The following KLF16 variants were observed in gnomAD, a reference collection of about 807,000 sequenced individuals.
KLF16 encodes Krueppel-like factor 16.
In KLF16, 6 loss-of-function variants were observed where a neutral mutation model predicts 6.1. The ratio of observed to expected loss-of-function variants is 0.98; its 90% confidence interval spans 0.54 to 1.93. The LOEUF is 1.93. KLF16 is among the 30% of genes most tolerant of loss of function. The pLI is 0.01. For synonymous variants in KLF16, 211 were observed against 176.5 expected (o/e 1.20, Z -1.55); for missense variants, 355 against 363.8 (o/e 0.98, Z 0.20).
chr19:1,869,874 A>G, the KLF16 span, among the ~76,000 whole-genome samples: 1 of 152,106 alleles, frequency 6.6e-6, no homozygotes, highest in South Asian at 2.1e-4. Flanking sequence ...TGGCCTCCCA[A>G]AGTGCTAGGA....
chr19:1,873,187 T>C, the KLF16 span, among the ~76,000 whole-genome samples: 2 of 152,162 alleles, frequency 1.3e-5, no homozygotes, highest in East Asian at 1.9e-4. Flanking sequence ...TTGGCATTAA[T>C]GGGACGACGG....
chr19:1,854,489 G>GGGGCTGGGCGCA lies in KLF16; in HGVS notation c.717_728dup (p.Ser246_Pro249dup). ...GGCCTGCGGGGGCTGGGCTGGGCGCGGGGCTGGGCGCAGGGCTCCCGGCCA... is the reference window on the plus strand; with the variant it reads ...GGCCTGCGGGGGCTGGGCTGGGCGCGGGGCTGGGCGCAGGGCTGGGCGCAGGGCTCCCGGCCA... On this transcript the variant is annotated inframe_insertion, in exon 2 of 2. Transcript: ENST00000250916. The GGGGCTGGGCGCA allele has an allele frequency of 7.0e-7, 1 of 1,436,232 alleles. No individual in the cohort carries two copies. The highest frequency in any genetic ancestry group is 1.5e-5 in the South Asian group (1 of 66,832). The allele number at this position is 1,436,232 out of a possible 1,614,324, so 89.0% of individuals were successfully genotyped here.
chr19:1,869,997 A>T, the KLF16 span, among the ~76,000 whole-genome samples: 8 of 141,860 alleles, frequency 5.6e-5, no homozygotes, highest in African/African-American at 2.3e-4. Context: ...CAGTGGTGCA[A>T]TCTCGGCTCA....
chr19:1,861,551 C>T (rs2012065576), intron 1 of KLF16: 1 of 152,282 alleles, frequency 6.6e-6, no homozygotes, highest in African/African-American at 2.4e-5. Flanking sequence ...GACCCCTCCG[C>T]CGAGGATGTG....
chr19:1,859,895 G>C (rs1474005064), intron 1 of KLF16, among the ~76,000 whole-genome samples: 2 of 152,026 alleles, frequency 1.3e-5, no homozygotes, highest in African/African-American at 4.8e-5. Flanking sequence ...GGGTGCTCCT[G>C]CCATGGAGTG....
chr19:1,874,766 A>G, the KLF16 span: 1 of 149,104 alleles, frequency 6.7e-6, no homozygotes, highest in Non-Finnish European at 1.5e-5. Flanking sequence ...AAAAAAAAAA[A>G]AAAAAAAAAA....
chr19:1,870,969 CT>C, the KLF16 span, among the ~76,000 whole-genome samples: 1 of 152,218 alleles, frequency 6.6e-6, no homozygotes. Context: ...GCACTCCGGC[CT>C]GGGCCACAGA....
chr19:1,866,700 C>T (rs1298943205), upstream of KLF16, among the ~76,000 whole-genome samples: 2 of 146,386 alleles, frequency 1.4e-5, no homozygotes, highest in African/African-American at 5.1e-5. Context: ...CGCTTGAGCC[C>T]AGGAGGTCAA....
chr19:1,855,807 C>G (rs1053488318), intron 1 of KLF16, among the ~76,000 whole-genome samples: 1 of 152,222 alleles, frequency 6.6e-6, no homozygotes, highest in African/African-American at 2.4e-5. Context: ...GGCCCTGCAT[C>G]CCCGAAGCTC....
At position 1,854,092 on chromosome 19, in the gene KLF16, G is replaced by A. The variant is rs1226223370; in HGVS notation, c.*367C>T. The stretch of plus-strand genomic sequence containing the variant: ...GGATGGGGCAGGGGGTGCTTTCCCC[G>A]GGCCGGCTCCCAGAAGTCCACTCCA... On this transcript the variant is annotated 3_prime_UTR_variant, in exon 2 of 2. Transcript: ENST00000250916. The A allele has an allele frequency of 1.8e-5, 4 of 227,356 alleles. No individual in the cohort carries two copies. The highest frequency in any genetic ancestry group is 4.6e-5 in the African/African-American group (2 of 43,802). 14.1% of individuals were successfully genotyped at this position (227,356 alleles called of 1,614,324 possible).
At chr19:1,860,245 A>G (rs976383609) in intron 1 of KLF16, 1 of 152,208 alleles carries the variant, frequency 6.6e-6, no homozygotes, top group Non-Finnish European at 1.5e-5. Context: ...AACGGCGTCA[A>G]CATCACCCAC....
chr19:1,872,782 G>A, the KLF16 span, among the ~76,000 whole-genome samples: 776 of 148,904 alleles, frequency 5.2e-3, 10 homozygotes, highest in African/African-American at 0.018. Flanking sequence ...GGGAAGCAGG[G>A]ACAGTCACCC....
intron 1 of KLF16, chr19:1,862,703 A>G: frequency 4.6e-6 from 1 of 216,278 alleles, no homozygotes; most frequent in Non-Finnish European, 9.0e-6. Flanking sequence ...CACCGCCCAG[A>G]CCAGAACGCA....
the KLF16 span, among the ~76,000 whole-genome samples, chr19:1,869,536 G>A: frequency 6.6e-6 from 1 of 152,206 alleles, no homozygotes; most frequent in African/African-American, 2.4e-5. Flanking sequence ...GGAAGCCAGT[G>A]AAGGGTTGAT....
the KLF16 span, chr19:1,875,066 T>C: frequency 6.6e-6 from 1 of 152,182 alleles, no homozygotes; most frequent in Non-Finnish European, 1.5e-5. Context: ...AAAATCCAGC[T>C]TGGGCAAGGG....
chr19:1,860,740 G>A (rs2012048151), intron 1 of KLF16, among the ~76,000 whole-genome samples: 1 of 152,174 alleles, frequency 6.6e-6, no homozygotes, highest in South Asian at 2.1e-4. Flanking sequence ...CCTCCTCCGG[G>A]GGCTGAAAAA....
chr19:1,860,858 C>T (rs1270315844), intron 1 of KLF16, among the ~76,000 whole-genome samples: 1 of 152,192 alleles, frequency 6.6e-6, no homozygotes, highest in African/African-American at 2.4e-5. Flanking sequence ...ATCCAAAACC[C>T]TTTGGAAACC....
the KLF16 span, chr19:1,875,714 G>C: frequency 6.6e-6 from 1 of 152,430 alleles, no homozygotes; most frequent in South Asian, 2.1e-4. Context: ...CAGCGCCCAA[G>C]GGTCAGCGGC....
At chr19:1,860,245 A>C (rs976383609) in intron 1 of KLF16, 1 of 152,090 alleles carries the variant, frequency 6.6e-6, no homozygotes, top group East Asian at 1.9e-4. Context: ...AACGGCGTCA[A>C]CATCACCCAC....
Sources: gnomAD v4.1 joint callset for allele counts (sites outside exome capture counted in the v4.1 genomes callset) on GRCh38, gnomAD v4.1.1 for gene constraint, MANE v1.5 for transcripts, NCBI Gene and HGNC (gene_info 2026-07-23, HGNC 2026-07-21) for gene names.